Variants in RASGRP1 observed in about 807,000 individuals in gnomAD.
The protein encoded by RASGRP1 is RAS guanyl-releasing protein 1.
In RASGRP1, 37 loss-of-function variants were observed where a neutral mutation model predicts 95.1. The ratio of observed to expected loss-of-function variants is 0.39; its 90% CI spans 0.30 to 0.51. RASGRP1 has a LOEUF of 0.51. RASGRP1 is among the 20% of genes least tolerant of loss of function. The probability of loss-of-function intolerance (pLI) is 0.80; values close to 1 mark genes in which losing one functional copy is unlikely to be tolerated. For missense variants in RASGRP1, 711 were observed against 965.4 expected (o/e 0.74, Z 3.49); for synonymous variants, 325 against 353.4 (o/e 0.92, Z 0.90).
At chr15:38,559,379 C>T (rs1445844186) in intron 2 of RASGRP1, among the ~76,000 whole-genome samples, 1 of 152,138 alleles carries the variant, frequency 6.6e-6, no homozygotes, top group East Asian at 1.9e-4. Context: ...CCTATTCCAC[C>T]ACATCTGCCC....
chr15:38,563,578 G>A (rs970060572), intron 1 of RASGRP1, among the ~76,000 whole-genome samples: 1 of 152,178 alleles, frequency 6.6e-6, no homozygotes, highest in Non-Finnish European at 1.5e-5. Flanking sequence ...TGCAGTGGAA[G>A]GTGACTCTCT....
chr15:38,495,561 T>C (rs1421602888), intron 15 of RASGRP1, among the ~76,000 whole-genome samples: 1 of 152,234 alleles, frequency 6.6e-6, no homozygotes, highest in Non-Finnish European at 1.5e-5. Context: ...TCAAGATGGC[T>C]TTAAAAAACA....
At chr15:38,544,586 C>G (rs1893035850) in intron 2 of RASGRP1, among the ~76,000 whole-genome samples, 1 of 152,178 alleles carries the variant, frequency 6.6e-6, no homozygotes, top group South Asian at 2.1e-4. Flanking sequence ...CAAGCACTCT[C>G]TCTGTCTGTG....
intron 2 of RASGRP1, among the ~76,000 whole-genome samples, chr15:38,558,722 C>T (rs1241025191): frequency 1.3e-5 from 2 of 152,234 alleles, no homozygotes; most frequent in African/African-American, 2.4e-5. Context: ...TTTAAACCAA[C>T]GTTGAAATAG....
At chr15:38,543,621 T>C (rs2141171830) in intron 2 of RASGRP1, among the ~76,000 whole-genome samples, 1 of 148,416 alleles carries the variant, frequency 6.7e-6, no homozygotes, top group Non-Finnish European at 1.5e-5. Flanking sequence ...TCATTGACTT[T>C]ACTGACCTTT....
intron 2 of RASGRP1, among the ~76,000 whole-genome samples, chr15:38,548,736 GA>G (rs931765871): frequency 7.2e-5 from 11 of 152,078 alleles, no homozygotes; most frequent in African/African-American, 2.7e-4. Context: ...ATAATTTTTA[GA>G]AAAAAGGTTC....
intron 10 of RASGRP1, among the ~76,000 whole-genome samples, chr15:38,505,320 A>T (rs1168830614): frequency 1.3e-5 from 2 of 152,198 alleles, no homozygotes; most frequent in Non-Finnish European, 2.9e-5. Flanking sequence ...AGGTCAAAAG[A>T]CTCAGCAGAC....
At chr15:38,534,005 T>C (rs1228564444) in intron 2 of RASGRP1, among the ~76,000 whole-genome samples, 1 of 152,270 alleles carries the variant, frequency 6.6e-6, no homozygotes, top group Non-Finnish European at 1.5e-5. Context: ...CCACAGCAGC[T>C]GCAAGCCTCC....
intron 4 of RASGRP1, among the ~76,000 whole-genome samples, chr15:38,518,656 A>T (rs1891882284): frequency 6.6e-6 from 1 of 152,212 alleles, no homozygotes; most frequent in Non-Finnish European, 1.5e-5. Context: ...GCATAGCATA[A>T]TCAAAGGAGC....
intron 4 of RASGRP1, 50 bp from the exon 5 acceptor site, chr15:38,518,473 C>CA: frequency 1.3e-6 from 2 of 1,564,370 alleles, no homozygotes; most frequent in Middle Eastern, 1.7e-4. Context: ...ACCAAGGACT[C>CA]ACAATTTGTT....
intron 2 of RASGRP1, among the ~76,000 whole-genome samples, chr15:38,542,937 G>GTATA (rs1199619426): frequency 1.6e-5 from 2 of 124,654 alleles, no homozygotes; most frequent in Admixed American, 8.5e-5. Flanking sequence ...ATATGTGTGT[G>GTATA]TATATATATA....
Position 38,494,654 on chromosome 15 carries a change from G to A in RASGRP1, c.1987C>T (p.Arg663Trp), listed in dbSNP as rs1454503887. The change falls in exon 16 of 17, where the codon CGG (arginine) becomes TGG (tryptophan). Residue 663 changes from arginine to tryptophan, a missense_variant. By Grantham distance (101) the Arg-to-Trp change is moderately radical. Around this residue, in one of 3 missense-constraint regions of RASGRP1, gnomAD observed 212 missense variants for 247.8 expected, o/e 0.86. Coordinates refer to ENST00000310803, the MANE Select transcript of RASGRP1 (RefSeq NM_005739.4). Reference protein sequence around the residue: ...MGVSSQKISLRLKRAVAHKAT... With the variant: ...MGVSSQKISLWLKRAVAHKAT... ...TTGTGGGCAACAGCCCTCTTCAGCC[G>A]AAGAGAAATCTTCTGTGAGGACACT... is the stretch of plus-strand genomic sequence containing the variant. 3.2e-6 allele frequency: 5 copies of A among 1,549,504 alleles called. No homozygotes were observed. Among genetic ancestry groups the A allele is most frequent in the African/African-American group, 1.4e-5 (1 of 72,264 alleles).
chr15:38,490,762 C>CT, intron 16 of RASGRP1, 74 bp from the exon 17 acceptor site: 11 of 1,436,902 alleles, frequency 7.7e-6, no homozygotes, highest in Non-Finnish European at 1.0e-5. Context: ...TTGAGAGCTA[C>CT]TTTTGATTGG....
chr15:38,557,629 G>GTATATATA (rs1555405016), intron 2 of RASGRP1, among the ~76,000 whole-genome samples: 15 of 147,370 alleles, frequency 1.0e-4, no homozygotes, highest in African/African-American at 3.8e-4. Flanking sequence ...GTGTGTGTGT[G>GTATATATA]TATATATATA....
At position 38,488,468 on chromosome 15, in the gene RASGRP1, A is replaced by G. The variant is rs1475836035; in HGVS notation, c.*2086T>C. 1 of 151,056 alleles carries G rather than the reference A, an allele frequency of 6.6e-6. No homozygotes were observed. The highest frequency in any genetic ancestry group is 2.4e-5 in the African/African-American group (1 of 41,034). The allele number at this position is 151,056 out of a possible 1,614,324, so 9.4% of individuals were successfully genotyped here. ...CAACACAAATACTATTAACTTGTAT[A>G]CTATACCTCTTTGGCCCTTGCTGGA... On this transcript the variant is annotated 3_prime_UTR_variant, in exon 17 of 17. Coordinates refer to ENST00000310803, the MANE Select transcript of RASGRP1 (RefSeq NM_005739.4).
chr15:38,496,097 G>A (rs533540457), intron 15 of RASGRP1, among the ~76,000 whole-genome samples: 2 of 152,278 alleles, frequency 1.3e-5, no homozygotes, highest in African/African-American at 4.8e-5. Flanking sequence ...GAAAGTGAAA[G>A]TTGATGAGAT....
intron 2 of RASGRP1, among the ~76,000 whole-genome samples, chr15:38,528,589 C>T (rs1892322834): frequency 6.6e-6 from 1 of 152,130 alleles, no homozygotes; most frequent in South Asian, 2.1e-4. Flanking sequence ...CTCTCAGGCT[C>T]TTCTTCTGTC....
At chr15:38,544,457 G>A (rs1417167623) in intron 2 of RASGRP1, among the ~76,000 whole-genome samples, 1 of 152,198 alleles carries the variant, frequency 6.6e-6, no homozygotes, top group Non-Finnish European at 1.5e-5. Flanking sequence ...AGTATTAGGA[G>A]GTGAGGCCTT....
At chr15:38,556,771 C>T (rs1306675807) in intron 2 of RASGRP1, among the ~76,000 whole-genome samples, 1 of 152,220 alleles carries the variant, frequency 6.6e-6, no homozygotes, top group Non-Finnish European at 1.5e-5. Flanking sequence ...GACAGCACAG[C>T]TGTAGCCAAT....
Sources: gnomAD v4.1 joint callset for allele counts (sites outside exome capture counted in the v4.1 genomes callset) on GRCh38, gnomAD v4.1.1 for gene constraint, gnomAD v4.1.1 regional missense constraint, MANE v1.5 for transcripts, NCBI Gene and HGNC (gene_info 2026-07-23, HGNC 2026-07-21) for gene names.